Variants in GLIS3 observed in about 807,000 individuals in gnomAD.
The protein encoded by GLIS3 is zinc finger protein GLIS3.
A neutral mutation model predicts 78.6 loss-of-function variants in GLIS3; 53 were observed. The observed-to-expected ratio is 0.67, with a 90% CI of 0.54 to 0.85. GLIS3 has a LOEUF of 0.85. Among genes scored for constraint, GLIS3 ranks in the 40% least tolerant of loss-of-function variants. The pLI is 0.00. For missense variants in GLIS3, 1,703 were observed against 1,231.1 expected (o/e 1.38, Z -5.74); for synonymous variants, 684 against 509.9 (o/e 1.34, Z -4.60).
chr9:4,076,284 G>A (rs992933914), intron 4 of GLIS3, among the ~76,000 whole-genome samples: 2 of 152,022 alleles, frequency 1.3e-5, no homozygotes, highest in African/African-American at 2.4e-5. Flanking sequence ...TTACCACGGA[G>A]TAACATAATT....
intron 4 of GLIS3, among the ~76,000 whole-genome samples, chr9:3,961,965 G>A (rs1421162845): frequency 6.6e-6 from 1 of 152,182 alleles, no homozygotes; most frequent in Admixed American, 6.5e-5. Flanking sequence ...AGCACTTTGG[G>A]AGGCCGAGGC....
intron 2 of GLIS3, among the ~76,000 whole-genome samples, chr9:4,179,116 G>C (rs551197528): frequency 3.3e-5 from 5 of 152,142 alleles, no homozygotes; most frequent in East Asian, 3.9e-4. Flanking sequence ...GTTTCGCCTC[G>C]GTATCTTCCT....
Position 3,938,904 on chromosome 9 carries a change from A to G in GLIS3, c.1711-1715T>C, listed in dbSNP as rs544107397. Among the ~76,000 whole-genome samples, 6 of 152,260 alleles carry G rather than the reference A, an allele frequency of 3.9e-5. No individual in the cohort carries two copies. In the East Asian group the frequency reaches 1.2e-3, roughly 29 times the overall value. ...TAAAGGGGCTCAACATTAAACCCCA[A>G]CTCATTGCTAAGAGGCCTCTGCTGA... On this transcript the variant is annotated intron_variant, in intron 4 of 10. Coordinates refer to ENST00000381971, the MANE Select transcript of GLIS3 (RefSeq NM_001042413.2).
At chr9:4,361,699 G>A in the GLIS3 span, among the ~76,000 whole-genome samples, 1 of 152,270 alleles carries the variant, frequency 6.6e-6, no homozygotes, top group Non-Finnish European at 1.5e-5. Context: ...CTCTGACCTC[G>A]CAAATATAAA....
chr9:4,277,905 T>C (rs1827175162), intron 2 of GLIS3, among the ~76,000 whole-genome samples: 1 of 152,150 alleles, frequency 6.6e-6, no homozygotes, highest in South Asian at 2.1e-4. Flanking sequence ...CCGGGATCCT[T>C]CAAACACAAA....
rs539237720 is a variant in GLIS3, at chr9:3,971,118, C to G, written c.1711-33929G>C. ...TAGATCGAAGGAAGGAAGGAAGGAT[C>G]GAAGGAAGGAAGGAAGGAAGGGAGC... On this transcript the variant is annotated intron_variant, in intron 4 of 10. Transcript: ENST00000381971. Among the ~76,000 whole-genome samples the G allele has an allele frequency of 5.6e-3, 490 of 86,836 alleles. 1 individual carries two copies. The highest frequency in any genetic ancestry group is 0.019 in the African/African-American group (468 of 24,408). 57.0% of individuals were successfully genotyped at this position (86,836 alleles called of 152,430 possible).
chr9:4,207,374 C>G (rs1438606573), intron 2 of GLIS3, among the ~76,000 whole-genome samples: 1 of 152,142 alleles, frequency 6.6e-6, no homozygotes, highest in Non-Finnish European at 1.5e-5. Flanking sequence ...GGCAAATAAT[C>G]GCTGGTGATT....
In GLIS3 at chr9:3,926,681, G is replaced by C. The variant is rs114067846; in HGVS notation, c.1983+5679C>G. 9.0e-4 allele frequency among the ~76,000 whole-genome samples: 137 copies of C among 151,620 alleles called. 1 individual carries two copies. Among genetic ancestry groups the C allele is most frequent in the African/African-American group, 3.3e-3 (136 of 41,294 alleles). ...CACCCAGGCTGGAGTGCAGTGGCAT[G>C]ATTACAGTTCAGCTCACCACAACCT... is the stretch of plus-strand genomic sequence containing the variant. On this transcript the variant is annotated intron_variant, in intron 6 of 10. Transcript: ENST00000381971.
At chr9:3,879,354 C>A in intron 8 of GLIS3, 73 bp downstream of exon 8, 2 of 1,435,958 alleles carry the variant, frequency 1.4e-6, no homozygotes, top group Non-Finnish European at 2.0e-6. Context: ...AATTCAGCAA[C>A]TGTCAAGGCA....
At chr9:4,406,243 G>C in the GLIS3 span, among the ~76,000 whole-genome samples, 2 of 151,688 alleles carry the variant, frequency 1.3e-5, no homozygotes, top group Non-Finnish European at 2.9e-5. Context: ...ATAAGAGAAA[G>C]AAAAAAAAGG....
At chr9:4,141,293 C>T (rs190551226) in intron 2 of GLIS3, among the ~76,000 whole-genome samples, 5 of 152,228 alleles carry the variant, frequency 3.3e-5, no homozygotes, top group African/African-American at 4.8e-5. Flanking sequence ...AAGACAGCTC[C>T]CAAGGAAGGC....
At chr9:4,130,248 C>G (rs1832875781) in intron 2 of GLIS3, among the ~76,000 whole-genome samples, 2 of 152,086 alleles carry the variant, frequency 1.3e-5, no homozygotes, top group Non-Finnish European at 2.9e-5. Flanking sequence ...ACAGCCTGGC[C>G]ATGTGGTAGA....
At chr9:4,467,046 T>A in the GLIS3 span, among the ~76,000 whole-genome samples, 10 of 152,082 alleles carry the variant, frequency 6.6e-5, no homozygotes, top group African/African-American at 1.2e-4. Context: ...AGCACAGCAG[T>A]TTGAGATTGA....
intron 2 of GLIS3, among the ~76,000 whole-genome samples, chr9:4,325,967 C>T (rs1358985592): frequency 1.3e-5 from 2 of 152,122 alleles, no homozygotes; most frequent in African/African-American, 2.4e-5. Flanking sequence ...AAACAAACAC[C>T]ACCTGTTCTC....
In GLIS3 at chr9:3,914,379, C is replaced by T. The variant is rs188997465; in HGVS notation, c.1984-15544G>A. Reference sequence around the variant, plus strand: ...GCAAGATCTCACTATGTTGCTGAGGCTGCTCTTGAACTCCTGGGCTCAAGT... The same window carrying T: ...GCAAGATCTCACTATGTTGCTGAGGTTGCTCTTGAACTCCTGGGCTCAAGT... On this transcript the variant is annotated intron_variant, in intron 6 of 10. Transcript: ENST00000381971. Among the ~76,000 whole-genome samples the T allele has an allele frequency of 2.2e-3, 329 of 147,602 alleles. 3 individuals carry two copies. The highest frequency in any genetic ancestry group is 0.02 in the Admixed American group (293 of 14,674).
At chr9:4,232,430 A>G (rs534060266) in intron 2 of GLIS3, among the ~76,000 whole-genome samples, 26 of 151,874 alleles carry the variant, frequency 1.7e-4, no homozygotes, top group Non-Finnish European at 3.5e-4. Flanking sequence ...AGAAACAAAG[A>G]AACAAAGAAG....
chr9:4,133,344 A>G (rs1265126985), intron 2 of GLIS3, among the ~76,000 whole-genome samples: 2 of 152,236 alleles, frequency 1.3e-5, no homozygotes, highest in African/African-American at 4.8e-5. Flanking sequence ...ATCCAGGATC[A>G]TGCATTGCAA....
chr9:4,321,357 G>A (rs1387969002), intron 2 of GLIS3, among the ~76,000 whole-genome samples: 1 of 125,126 alleles, frequency 8.0e-6, no homozygotes, highest in Non-Finnish European at 1.5e-5. Context: ...AGGAGGCGGA[G>A]CTTGCAGGGA....
At chr9:4,111,604 G>C (rs1043142540) in intron 4 of GLIS3, among the ~76,000 whole-genome samples, 2 of 152,132 alleles carry the variant, frequency 1.3e-5, no homozygotes, top group Non-Finnish European at 2.9e-5. Flanking sequence ...GATTTCTGTG[G>C]TTTCACTTTT....
Sources: gnomAD v4.1 joint callset for allele counts (sites outside exome capture counted in the v4.1 genomes callset) on GRCh38, gnomAD v4.1.1 for gene constraint, MANE v1.5 for transcripts, NCBI Gene and HGNC (gene_info 2026-07-23, HGNC 2026-07-21) for gene names.